Variants in ZDHHC7 observed in about 807,000 individuals in gnomAD.
ZDHHC7 encodes the protein zDHHC palmitoyltransferase 7, also known as palmitoyltransferase ZDHHC7.
In ZDHHC7, 12 loss-of-function variants were observed where a neutral mutation model predicts 34.1. That is an observed-to-expected ratio of 0.35 (90% confidence interval 0.23 to 0.57). The LOEUF is 0.57. Ranked by LOEUF, ZDHHC7 falls within the 20% of genes least tolerant of loss-of-function variation. ZDHHC7 has a pLI of 0.84. For missense variants in ZDHHC7, 388 were observed against 402.7 expected (o/e 0.96, Z 0.31); for synonymous variants, 185 against 155.4 (o/e 1.19, Z -1.42).
intron 1 of ZDHHC7, among the ~76,000 whole-genome samples, chr16:85,004,163 T>C (rs1210915941): frequency 6.6e-6 from 1 of 151,602 alleles, no homozygotes; most frequent in Non-Finnish European, 1.5e-5. Flanking sequence ...ACCCCACTCT[T>C]TCCCATCTCA....
chr16:85,009,386 T>TA (rs201220873), intron 1 of ZDHHC7, among the ~76,000 whole-genome samples: 312 of 152,204 alleles, frequency 2.0e-3, no homozygotes, highest in African/African-American at 7.3e-3. Context: ...TTCATGCTAA[T>TA]ACTCTTCTGT....
At chr16:85,010,068 G>A (rs1166487737) in intron 1 of ZDHHC7, among the ~76,000 whole-genome samples, 1 of 148,250 alleles carries the variant, frequency 6.7e-6, no homozygotes, top group South Asian at 2.1e-4. Flanking sequence ...TTTGAGATGG[G>A]GATCTCACTC....
At chr16:84,996,821 G>C (rs996209457) in intron 1 of ZDHHC7, among the ~76,000 whole-genome samples, 1 of 152,102 alleles carries the variant, frequency 6.6e-6, no homozygotes, top group African/African-American at 2.4e-5. Context: ...GAGGTCAGAA[G>C]TTCAAGACCA....
intron 1 of ZDHHC7, among the ~76,000 whole-genome samples, chr16:84,998,816 C>T (rs889210683): frequency 1.4e-5 from 2 of 147,090 alleles, no homozygotes; most frequent in African/African-American, 2.5e-5. Flanking sequence ...TGCAGTGGCG[C>T]GATCTCGGCT....
At chr16:85,000,591 C>T (rs1277156272) in intron 1 of ZDHHC7, among the ~76,000 whole-genome samples, 1 of 152,190 alleles carries the variant, frequency 6.6e-6, no homozygotes, top group Non-Finnish European at 1.5e-5. Flanking sequence ...ACTATTTAAA[C>T]TTGTCGTTGC....
At chr16:84,980,386 T>C (rs1038192718) in intron 4 of ZDHHC7, among the ~76,000 whole-genome samples, 1 of 151,840 alleles carries the variant, frequency 6.6e-6, no homozygotes, top group African/African-American at 2.4e-5. Context: ...TTATATACCA[T>C]AGGTCAGGCG....
intron 1 of ZDHHC7, among the ~76,000 whole-genome samples, chr16:85,005,808 T>C (rs1186911920): frequency 6.6e-6 from 1 of 152,214 alleles, no homozygotes; most frequent in Non-Finnish European, 1.5e-5. Context: ...CAGCTTAACA[T>C]AGAGCTAGCG....
Position 84,976,159 on chromosome 16 carries a change from G to A in ZDHHC7, c.*184C>T. ...ACACCTTTCCGTTGTTGTACAGGTG[G>A]GGACTGAGAGCCTCTTCCTCTGCCA... is the stretch of plus-strand genomic sequence containing the variant. On this transcript the variant is annotated 3_prime_UTR_variant, in exon 8 of 8. Transcript: ENST00000313732. The A allele has an allele frequency of 1.3e-6, 1 of 741,128 alleles. No individual in the cohort carries two copies. The allele number at this position is 741,128 out of a possible 1,614,324, so 45.9% of individuals were successfully genotyped here. A position where few individuals can be genotyped will look rare whatever the true frequency, so the allele number is the denominator to read the frequency against.
intron 3 of ZDHHC7, among the ~76,000 whole-genome samples, chr16:84,984,310 C>T (rs1189024629): frequency 6.6e-6 from 1 of 152,124 alleles, no homozygotes; most frequent in African/African-American, 2.4e-5. Context: ...TATGAGCCAC[C>T]GTGCCTGGCC....
upstream of ZDHHC7, among the ~76,000 whole-genome samples, chr16:85,015,998 G>C (rs917143261): frequency 1.3e-5 from 2 of 151,996 alleles, no homozygotes; most frequent in African/African-American, 4.8e-5. Flanking sequence ...TGTTAGTTCT[G>C]GTCAGCTGTG....
Position 84,990,506 on chromosome 16 carries a change from C to G in ZDHHC7, c.113G>C (p.Arg38Pro). ...SSSSEADVAD[R>P]VWFIRDGCGM... is the part of the protein sequence containing the mutation. The stretch of plus-strand genomic sequence containing the variant: ...GCAGCCGTCACGGATGAACCAGACC[C>G]GGTCAGCCACGTCAGCCTCGGAGGA... Residue 38 changes from arginine (R) to proline (P), a missense_variant, in exon 3 of 8, where the codon CGG (arginine) becomes CCG (proline). Coordinates refer to ENST00000313732, the MANE Select transcript of ZDHHC7 (RefSeq NM_017740.3). 1 of 1,614,152 alleles carries G rather than the reference C, an allele frequency of 6.2e-7. No homozygotes were observed. The highest frequency in any genetic ancestry group is 8.5e-7 in the Non-Finnish European group (1 of 1,180,026).
upstream of ZDHHC7, among the ~76,000 whole-genome samples, chr16:85,013,502 C>G (rs1195780110): frequency 1.3e-5 from 2 of 152,048 alleles, no homozygotes; most frequent in Non-Finnish European, 2.9e-5. Context: ...CTTGGCCTCC[C>G]AAAGTGCTGG....
intron 4 of ZDHHC7, 153 bp from the exon 5 acceptor site, chr16:84,979,438 G>T (rs1377955101): frequency 1.3e-6 from 1 of 763,922 alleles, no homozygotes; most frequent in Non-Finnish European, 1.6e-6. Context: ...TTCCTTTAAG[G>T]TTTATCATTT....
chr16:85,013,026 C>G (rs1212794600), upstream of ZDHHC7, among the ~76,000 whole-genome samples: 1 of 152,164 alleles, frequency 6.6e-6, no homozygotes, highest in African/African-American at 2.4e-5. Context: ...TTCTCTTTAT[C>G]CTCCCTTTTC....
chr16:85,026,462 A>G, the ZDHHC7 span, among the ~76,000 whole-genome samples: 4 of 152,052 alleles, frequency 2.6e-5, no homozygotes, highest in Non-Finnish European at 5.9e-5. Flanking sequence ...TGGTCAAACA[A>G]ATCTGGAGTG....
At chr16:85,024,720 A>G in the ZDHHC7 span, among the ~76,000 whole-genome samples, 2 of 152,118 alleles carry the variant, frequency 1.3e-5, no homozygotes, top group Non-Finnish European at 2.9e-5. Flanking sequence ...TCCTCAGAAG[A>G]GCCTCTGTTC....
At chr16:85,014,718 T>G (rs1318809637), upstream of ZDHHC7, among the ~76,000 whole-genome samples, 2 of 152,128 alleles carry the variant, frequency 1.3e-5, no homozygotes, top group African/African-American at 2.4e-5. Context: ...CTGTGAAATA[T>G]TTGAAGAGAT....
intron 1 of ZDHHC7, among the ~76,000 whole-genome samples, chr16:85,009,624 T>C (rs574123116): frequency 6.6e-4 from 101 of 152,300 alleles, no homozygotes; most frequent in African/African-American, 2.2e-3. Context: ...TGTTCAAGAA[T>C]TGCAATTTAG....
chr16:85,009,048 A>G (rs1385596769), intron 1 of ZDHHC7, among the ~76,000 whole-genome samples: 2 of 104,130 alleles, frequency 1.9e-5, no homozygotes, highest in African/African-American at 5.3e-5. Flanking sequence ...TCCGTCTCAA[A>G]AAAAAAAAAA....
Sources: gnomAD v4.1 joint callset for allele counts (sites outside exome capture counted in the v4.1 genomes callset) on GRCh38, gnomAD v4.1.1 for gene constraint, MANE v1.5 for transcripts, NCBI Gene and HGNC (gene_info 2026-07-23, HGNC 2026-07-21) for gene names.